GAA: variants seen among roughly 807,000 people sequenced by gnomAD.
GAA encodes lysosomal alpha-glucosidase.
Under a neutral mutation model 103.9 loss-of-function variants are expected in GAA, and 88 were observed. The observed-to-expected ratio is 0.85, with a 90% confidence interval of 0.71 to 1.01. GAA has a LOEUF of 1.01. GAA is among the 50% of genes least tolerant of loss of function. The probability of loss-of-function intolerance (pLI) is 0.00; values close to 1 mark genes in which losing one functional copy is unlikely to be tolerated. For synonymous variants in GAA, 572 were observed against 563.1 expected (o/e 1.02, Z -0.22); for missense variants, 1,350 against 1,305.3 (o/e 1.03, Z -0.53).
Position 80,104,990 on chromosome 17 carries a change from G to A in GAA, c.404G>A (p.Ser135Asn), listed in dbSNP as rs2039042486. 1.2e-6 allele frequency: 2 copies of A among 1,612,770 alleles called. No individual in the cohort carries two copies. The highest frequency in any genetic ancestry group is 1.1e-5 in the South Asian group (1 of 91,076). The change falls in exon 2 of 20, where the codon AGC becomes AAC. Residue 135 changes from serine to asparagine, a missense_variant. Transcript: ENST00000302262. The surrounding 1 kb of genome is among the most constrained non-coding windows in gnomAD (Gnocchi z 4.0). ...PWCFFPPSYPSYKLENLSSSE... is the reference protein window; with the variant it reads ...PWCFFPPSYPNYKLENLSSSE... ...TGCTTCTTCCCACCCAGCTACCCCA[G>A]CTACAAGCTGGAGAACCTGAGCTCC...
At chr17:80,107,439 G>A in intron 3 of GAA, 118 bp from the exon 4 acceptor site, 1 of 1,339,832 alleles carries the variant, frequency 7.5e-7, no homozygotes. Flanking sequence ...TGTGCTGCAG[G>A]GCTGGCCAGG....
rs761121318 is a variant in GAA at position 80,107,804 on chromosome 17, G to GT, written c.864dup (p.Ala289CysfsTer41). ...GCCGTCTCCTGCATGTCCCAGCCCG[G>GT]TGCGAACCTCTACGGGTCTCACCCT... On this transcript the variant is annotated frameshift_variant, in exon 5 of 20. Transcript: ENST00000302262. LOFTEE classifies it high-confidence loss of function. 1 of 1,611,668 alleles carries GT rather than the reference G, an allele frequency of 6.2e-7. No individual in the cohort carries two copies. The highest frequency in any genetic ancestry group is 1.1e-5 in the South Asian group (1 of 90,958).
intron 15 of GAA, among the ~76,000 whole-genome samples, chr17:80,115,057 C>T (rs1307347336): frequency 6.6e-6 from 1 of 152,072 alleles, no homozygotes; most frequent in Non-Finnish European, 1.5e-5. Flanking sequence ...AGGTGTAGAT[C>T]TCTGAGTTTA....
At chr17:80,108,453 T>A in intron 6 of GAA, 36 bp from the exon 7 acceptor site, 1 of 1,613,126 alleles carries the variant, frequency 6.2e-7, no homozygotes, top group Non-Finnish European at 8.5e-7. Context: ...CAAGGCTCCC[T>A]CCTCCCTCCC....
At chr17:80,116,536 C>T (rs1247466897) in intron 15 of GAA, among the ~76,000 whole-genome samples, 2 of 152,242 alleles carry the variant, frequency 1.3e-5, no homozygotes, top group Non-Finnish European at 1.5e-5. Flanking sequence ...GTACATTCAT[C>T]TTTTTGTCAG....
At chr17:80,105,175 G>A in intron 2 of GAA, 43 bp downstream of exon 2, 1 of 1,561,220 alleles carries the variant, frequency 6.4e-7, no homozygotes, top group Non-Finnish European at 8.7e-7. Flanking sequence ...GGCAGAGGGT[G>A]CGCGTGGACA....
intron 11 of GAA, 162 bp from the exon 12 acceptor site, chr17:80,111,821 C>G: frequency 1.6e-6 from 1 of 630,288 alleles, no homozygotes; most frequent in Non-Finnish European, 2.8e-6. Context: ...CCGGGTAACG[C>G]CAGCCCCACA....
chr17:80,116,921 C>T (rs1310198454), intron 15 of GAA, 47 bp from the exon 16 acceptor site: 5 of 1,611,232 alleles, frequency 3.1e-6, no homozygotes, highest in Non-Finnish European at 4.2e-6. Flanking sequence ...TGAGCCAGCC[C>T]CATCCCATTC....
intron 8 of GAA, 116 bp downstream of exon 8, chr17:80,108,944 G>A: frequency 7.5e-7 from 1 of 1,330,526 alleles, no homozygotes; most frequent in Non-Finnish European, 1.0e-6. Context: ...TTTTCTGAGG[G>A]TCTTTGTGAT....
rs1438157883 is a variant in GAA at position 80,105,144 on chromosome 17, A to G, written c.546+12A>G. On this transcript the variant is annotated intron_variant, in intron 2 of 19. Transcript: ENST00000302262. ...GCCTCCACTTCACGGTGGGCAGGGC[A>G]GGGGCGGGGGCGGCGGCCAGGGCAG... The G allele has an allele frequency of 2.5e-6, 4 of 1,599,310 alleles. No individual in the cohort carries two copies. The highest frequency in any genetic ancestry group is 1.1e-5 in the South Asian group (1 of 90,904).
intron 1 of GAA, chr17:80,102,676 C>G (rs2038982616): frequency 6.6e-6 from 1 of 152,286 alleles, no homozygotes; most frequent in Admixed American, 6.5e-5. Context: ...CCCTACGCAT[C>G]TCTTCCATAC....
chr17:80,112,530 G>C, intron 12 of GAA, 48 bp from the exon 13 acceptor site: 2 of 1,610,756 alleles, frequency 1.2e-6, no homozygotes, highest in Non-Finnish European at 1.7e-6. Flanking sequence ...CAGGGTTCCC[G>C]AGTGACCCCG....
rs79849256 is a variant in GAA, at chr17:80,107,463, C to G, written c.693-94C>G. 5 of 1,553,162 alleles carry G rather than the reference C, an allele frequency of 3.2e-6. No homozygotes were observed. The African/African-American group carries it at 6.8e-5, about 21-fold the overall frequency. On this transcript the variant is annotated intron_variant, in intron 3 of 19. Coordinates refer to ENST00000302262, the MANE Select transcript of GAA (RefSeq NM_000152.5). ...GGGCTGGCCAGGCCACTCCGCCCTC[C>G]CAGGGCACCAGGGCCCGGGGGTGCT...
chr17:80,110,064 A>G lies in GAA; in HGVS notation c.1437+9A>G. Reference sequence around the variant, plus strand: ...AGCCGCTGATTGGGAAGGTAGGGCGAGGGTCCAGGGGACGGGGGTTAGAAA... The same window carrying G: ...AGCCGCTGATTGGGAAGGTAGGGCGGGGGTCCAGGGGACGGGGGTTAGAAA... On this transcript the variant is annotated intron_variant, in intron 9 of 19. Coordinates refer to ENST00000302262, the MANE Select transcript of GAA (RefSeq NM_000152.5). 1 of 1,608,896 alleles carries G rather than the reference A, an allele frequency of 6.2e-7. No homozygotes were observed. Among genetic ancestry groups the G allele is most frequent in the South Asian group, 1.1e-5 (1 of 90,980 alleles).
At position 80,104,501 on chromosome 17, in the gene GAA, C is replaced by T; in HGVS notation, c.-32-54C>T. On this transcript the variant is annotated intron_variant, in intron 1 of 19. Coordinates refer to ENST00000302262, the MANE Select transcript of GAA (RefSeq NM_000152.5). The surrounding 1 kb of genome is among the most constrained non-coding windows in gnomAD (Gnocchi z 4.0). Reference sequence around the variant, plus strand: ...ATGTCTCAGAGCTGCTTTGAGAGCCCCGTGAGTGCCGCCCCTCCCGCCTCC... The same window carrying T: ...ATGTCTCAGAGCTGCTTTGAGAGCCTCGTGAGTGCCGCCCCTCCCGCCTCC... 1 of 1,317,812 alleles carries T rather than the reference C, an allele frequency of 7.6e-7. No individual in the cohort carries two copies. The highest frequency in any genetic ancestry group is 1.0e-6 in the Non-Finnish European group (1 of 969,662). 81.6% of individuals were successfully genotyped at this position (1,317,812 alleles called of 1,614,324 possible).
chr17:80,112,344 C>T (rs918248170), intron 12 of GAA: 8 of 645,018 alleles, frequency 1.2e-5, no homozygotes, highest in East Asian at 2.7e-5. Context: ...TCTGCATCAG[C>T]GGGGACCTCA....
At chr17:80,112,784 C>G (rs2039270807) in intron 13 of GAA, 73 bp downstream of exon 13, 1 of 1,576,066 alleles carries the variant, frequency 6.3e-7, no homozygotes, top group East Asian at 2.3e-5. Flanking sequence ...GCCGGGGCCC[C>G]CCACCCACTT....
chr17:80,107,531 A>C (rs1261619556), intron 3 of GAA, 26 bp from the exon 4 acceptor site: 1 of 1,612,612 alleles, frequency 6.2e-7, no homozygotes. Context: ...GGGTGTGAGC[A>C]AGCCTGGCTG....
intron 12 of GAA, chr17:80,112,376 G>C (rs942521091): frequency 1.9e-5 from 13 of 681,450 alleles, no homozygotes; most frequent in East Asian, 1.9e-4. Flanking sequence ...AGGCTGGGGG[G>C]GGTCCTGGCT....
Sources: gnomAD v4.1 joint callset for allele counts (sites outside exome capture counted in the v4.1 genomes callset) on GRCh38, gnomAD v4.1.1 for gene constraint, Gnocchi (gnomAD v3.1) non-coding constraint, MANE v1.5 for transcripts, NCBI Gene and HGNC (gene_info 2026-07-23, HGNC 2026-07-21) for gene names.